Variants in SLC9A9 observed in about 807,000 individuals in gnomAD.
SLC9A9 encodes the protein solute carrier family 9 member A9, also known as sodium/hydrogen exchanger 9.
In SLC9A9, 62 loss-of-function variants were observed where a neutral mutation model predicts 77.8. The ratio of observed to expected loss-of-function variants is 0.80; its 90% CI spans 0.65 to 0.98. The LOEUF is 0.98. Ranked by LOEUF, SLC9A9 falls within the 50% of genes least tolerant of loss-of-function variation. The pLI is 0.00. For synonymous variants in SLC9A9, 320 were observed against 283.5 expected (o/e 1.13, Z -1.29); for missense variants, 775 against 774.9 (o/e 1.00, Z 0.00).
chr3:143,337,409 C>T (rs1038438391), intron 14 of SLC9A9, among the ~76,000 whole-genome samples: 48 of 152,214 alleles, frequency 3.2e-4, no homozygotes, highest in African/African-American at 1.1e-3. Flanking sequence ...AAACTGCCTA[C>T]TTCCAAAGAG....
At chr3:143,734,339 A>G (rs957883381) in intron 4 of SLC9A9, among the ~76,000 whole-genome samples, 2 of 152,118 alleles carry the variant, frequency 1.3e-5, no homozygotes, top group African/African-American at 4.8e-5. Context: ...TTGTTGACTG[A>G]TTTATGTGTG....
chr3:143,379,906 A>G (rs2033265175), intron 13 of SLC9A9, among the ~76,000 whole-genome samples: 1 of 152,140 alleles, frequency 6.6e-6, no homozygotes, highest in Non-Finnish European at 1.5e-5. Flanking sequence ...GATTTTTAAA[A>G]TTTCTATAAA....
intron 9 of SLC9A9, among the ~76,000 whole-genome samples, chr3:143,511,235 C>T (rs1019953289): frequency 6.6e-6 from 1 of 152,180 alleles, no homozygotes; most frequent in African/African-American, 2.4e-5. Flanking sequence ...AAATCTTTGC[C>T]TGAACCTCTC....
Position 143,318,624 on chromosome 3 carries a change from G to A in SLC9A9, c.1604+44860C>T, listed in dbSNP as rs186828364. On this transcript the variant is annotated intron_variant, in intron 14 of 15. Coordinates refer to ENST00000316549, the MANE Select transcript of SLC9A9 (RefSeq NM_173653.4). ...CATCTGTCACAAATGGCTGCTATTTGTGGGGTACGAACTTGCCAGAGTCCT... is the reference window on the plus strand; with the variant it reads ...CATCTGTCACAAATGGCTGCTATTTATGGGGTACGAACTTGCCAGAGTCCT... Among the ~76,000 whole-genome samples, 14 of 152,294 alleles carry A rather than the reference G, an allele frequency of 9.2e-5. No homozygotes were observed. In the East Asian group the frequency reaches 2.7e-3, roughly 29 times the overall value.
At chr3:143,691,395 G>A (rs894661005) in intron 5 of SLC9A9, among the ~76,000 whole-genome samples, 1 of 151,998 alleles carries the variant, frequency 6.6e-6, no homozygotes, top group Non-Finnish European at 1.5e-5. Flanking sequence ...ATGTTCCTAA[G>A]AAACAGAAAA....
chr3:143,374,287 T>A (rs1179385759), intron 13 of SLC9A9, among the ~76,000 whole-genome samples: 2 of 150,554 alleles, frequency 1.3e-5, no homozygotes, highest in African/African-American at 4.9e-5. Context: ...TAGCCGGGCG[T>A]GGTGGCGGGC....
intron 11 of SLC9A9, among the ~76,000 whole-genome samples, chr3:143,487,375 A>G (rs1392866590): frequency 1.3e-5 from 2 of 151,874 alleles, no homozygotes; most frequent in African/African-American, 4.8e-5. Context: ...ATAGCCAGAT[A>G]GAATGTAAGT....
At chr3:143,780,499 G>A (rs2007836762) in intron 4 of SLC9A9, among the ~76,000 whole-genome samples, 1 of 152,174 alleles carries the variant, frequency 6.6e-6, no homozygotes, top group East Asian at 1.9e-4. Flanking sequence ...TCATTGATTT[G>A]TTTATAATGT....
At position 143,612,510 on chromosome 3, in the gene SLC9A9, C is replaced by G. The variant is rs553581712; in HGVS notation, c.756-33787G>C. On this transcript the variant is annotated intron_variant, in intron 6 of 15. Coordinates refer to ENST00000316549, the MANE Select transcript of SLC9A9 (RefSeq NM_173653.4). The stretch of plus-strand genomic sequence containing the variant: ...TGTTTCCAAGAGGCGTCTGGGTATT[C>G]GGATGCCAGACCACCAACATGGATG... Among the ~76,000 whole-genome samples the G allele has an allele frequency of 2.6e-5, 4 of 152,284 alleles. No homozygotes were observed. In the East Asian group the frequency reaches 7.7e-4, roughly 29 times the overall value.
chr3:143,266,049 AC>A lies in SLC9A9; in HGVS notation c.*652del. ...TGGTGCTGCATTTAGGGCAGGGCAC[AC>A]CCAGCCATAGGCAACCCCTTTGAGC... On this transcript the variant is annotated 3_prime_UTR_variant, in exon 16 of 16. Transcript: ENST00000316549. The A allele has an allele frequency of 1.4e-6, 1 of 702,328 alleles. No individual in the cohort carries two copies. The allele number at this position is 702,328 out of a possible 1,614,324, so 43.5% of individuals were successfully genotyped here.
intron 6 of SLC9A9, among the ~76,000 whole-genome samples, chr3:143,600,010 C>A (rs1020062382): frequency 1.3e-5 from 2 of 151,822 alleles, no homozygotes; most frequent in African/African-American, 4.8e-5. Flanking sequence ...TGTTTTGCTA[C>A]CTTTTTTTTT....
At chr3:143,499,379 A>G (rs889138889) in intron 9 of SLC9A9, among the ~76,000 whole-genome samples, 1 of 152,098 alleles carries the variant, frequency 6.6e-6, no homozygotes, top group Non-Finnish European at 1.5e-5. Context: ...ATTCCTAGAT[A>G]TTTGATGTTT....
intron 12 of SLC9A9, among the ~76,000 whole-genome samples, chr3:143,388,736 T>G (rs147012619): frequency 0.017 from 2,556 of 152,186 alleles, 35 homozygotes; most frequent in South Asian, 0.071. Context: ...GATATAAAGG[T>G]CAATGATAGG....
chr3:143,315,840 A>G (rs2031193181), intron 14 of SLC9A9, among the ~76,000 whole-genome samples: 1 of 152,226 alleles, frequency 6.6e-6, no homozygotes, highest in Non-Finnish European at 1.5e-5. Context: ...TGGTGGCACG[A>G]ACACAATCCC....
At chr3:143,331,830 A>C (rs1198205781) in intron 14 of SLC9A9, among the ~76,000 whole-genome samples, 1 of 152,210 alleles carries the variant, frequency 6.6e-6, no homozygotes, top group African/African-American at 2.4e-5. Flanking sequence ...ATGGTGTGAC[A>C]AAATCAGTTA....
At chr3:143,800,871 G>A (rs752855301) in intron 2 of SLC9A9, among the ~76,000 whole-genome samples, 40 of 152,000 alleles carry the variant, frequency 2.6e-4, no homozygotes, top group South Asian at 4.2e-4. Context: ...TTCTCCATCC[G>A]TTACCTGTCT....
Position 143,518,308 on chromosome 3 carries a change from A to G in SLC9A9, c.1090-22860T>C. ...GCGCTGGCTCAGCGTGACCACGCAG[A>G]AAGGGCTGTTTAACTACTTTCTTTA... is the stretch of plus-strand genomic sequence containing the variant. On this transcript the variant is annotated intron_variant, in intron 9 of 15. Transcript: ENST00000316549. 4 of 894,988 alleles carry G rather than the reference A, an allele frequency of 4.5e-6. No individual in the cohort carries two copies. In the South Asian group the frequency reaches 5.6e-5, roughly 13 times the overall value. 55.4% of individuals were successfully genotyped at this position (894,988 alleles called of 1,614,324 possible).
chr3:143,286,936 C>T (rs910572442), intron 14 of SLC9A9, among the ~76,000 whole-genome samples: 3 of 152,320 alleles, frequency 2.0e-5, no homozygotes, highest in East Asian at 3.9e-4. Context: ...TCCACTAGTT[C>T]TGGACCTCAC....
intron 6 of SLC9A9, among the ~76,000 whole-genome samples, chr3:143,618,284 A>T (rs2038141392): frequency 6.6e-6 from 1 of 152,216 alleles, no homozygotes; most frequent in Admixed American, 6.5e-5. Context: ...TTTTATATTA[A>T]ATACATTGGG....
Sources: gnomAD v4.1 joint callset for allele counts (sites outside exome capture counted in the v4.1 genomes callset) on GRCh38, gnomAD v4.1.1 for gene constraint, MANE v1.5 for transcripts, NCBI Gene and HGNC (gene_info 2026-07-23, HGNC 2026-07-21) for gene names.